The following AKAP6 variants were observed in gnomAD, a reference collection of about 807,000 sequenced individuals.
AKAP6 encodes the protein A-kinase anchor protein 6.
A neutral mutation model predicts 188.5 loss-of-function variants in AKAP6; 58 were observed. That is an observed-to-expected ratio of 0.31 (90% CI 0.25 to 0.38). AKAP6 has a LOEUF of 0.38. Ranked by LOEUF, AKAP6 falls within the 10% of genes least tolerant of loss-of-function variation. The pLI, the probability that AKAP6 is intolerant of heterozygous loss-of-function variation, is 1.00. For synonymous variants in AKAP6, 989 were observed against 998.6 expected, an observed-to-expected ratio of 0.99 and a Z score of 0.18; for missense variants, 2,710 against 2,740.0, an observed-to-expected ratio of 0.99 and a Z score of 0.24.
chr14:32,469,483 A>C (rs1442485430), intron 2 of AKAP6, among the ~76,000 whole-genome samples: 2 of 152,228 alleles, frequency 1.3e-5, no homozygotes, highest in East Asian at 3.8e-4. Context: ...TCTGTATAAT[A>C]AAGTCAAGAC....
At chr14:32,547,142 C>A in intron 4 of AKAP6, 143 bp downstream of exon 4, 1 of 862,146 alleles carries the variant, frequency 1.2e-6, no homozygotes, top group Non-Finnish European at 1.7e-6. Flanking sequence ...AAAGAAAAAG[C>A]ACAATGATCA....
intron 4 of AKAP6, among the ~76,000 whole-genome samples, chr14:32,574,205 T>C (rs1431433166): frequency 6.6e-6 from 1 of 152,172 alleles, no homozygotes; most frequent in Non-Finnish European, 1.5e-5. Flanking sequence ...GTGATGAAAC[T>C]TTTTAGTATT....
intron 9 of AKAP6, among the ~76,000 whole-genome samples, chr14:32,696,535 G>T (rs1221024232): frequency 6.6e-6 from 1 of 152,174 alleles, no homozygotes; most frequent in Non-Finnish European, 1.5e-5. Context: ...GGTTTGGCTT[G>T]CTGCTGCCAA....
At chr14:32,434,084 C>A in intron 2 of AKAP6, 1 of 392,444 alleles carries the variant, frequency 2.5e-6, no homozygotes. Flanking sequence ...GCAGTGTTAT[C>A]AAAATAAGTT....
At chr14:32,757,800 T>C (rs1299893742) in intron 11 of AKAP6, among the ~76,000 whole-genome samples, 2 of 152,144 alleles carry the variant, frequency 1.3e-5, no homozygotes, top group African/African-American at 2.4e-5. Context: ...TAGTGTGCTA[T>C]GGAAGTGCAC....
chr14:32,413,650 C>T (rs775534435), intron 1 of AKAP6, among the ~76,000 whole-genome samples: 2 of 152,114 alleles, frequency 1.3e-5, no homozygotes, highest in Non-Finnish European at 2.9e-5. Flanking sequence ...TAGCTCTTAG[C>T]ATAATGTCTT....
At chr14:32,558,821 G>A (rs1883803742) in intron 4 of AKAP6, among the ~76,000 whole-genome samples, 1 of 152,064 alleles carries the variant, frequency 6.6e-6, no homozygotes, top group Non-Finnish European at 1.5e-5. Context: ...GAAAATGGAG[G>A]GCAGCCACCT....
chr14:32,370,749 A>G (rs1887978972), intron 1 of AKAP6, among the ~76,000 whole-genome samples: 1 of 152,344 alleles, frequency 6.6e-6, no homozygotes, highest in East Asian at 1.9e-4. Flanking sequence ...ATGGAAAAAA[A>G]TGAGAAAATG....
chr14:32,691,203 A>G (rs1890164439), intron 8 of AKAP6, among the ~76,000 whole-genome samples: 1 of 152,230 alleles, frequency 6.6e-6, no homozygotes, highest in South Asian at 2.1e-4. Flanking sequence ...AAAGAGAGAG[A>G]TGAGAGCAGT....
intron 4 of AKAP6, among the ~76,000 whole-genome samples, chr14:32,565,436 A>G (rs538340016): frequency 1.5e-4 from 23 of 152,156 alleles, no homozygotes; most frequent in Non-Finnish European, 2.8e-4. Flanking sequence ...ATCAAATCCA[A>G]TTAGTCCTGT....
intron 9 of AKAP6, 91 bp from the exon 10 acceptor site, chr14:32,732,363 A>T: frequency 7.0e-7 from 1 of 1,433,590 alleles, no homozygotes; most frequent in Non-Finnish European, 9.4e-7. Context: ...AAAAACTTTT[A>T]ATGCTCGTAA....
chr14:32,432,038 T>C (rs1890242947), intron 1 of AKAP6, among the ~76,000 whole-genome samples: 1 of 152,202 alleles, frequency 6.6e-6, no homozygotes, highest in Non-Finnish European at 1.5e-5. Flanking sequence ...CCCTCTATTT[T>C]GGTATGTAAA....
chr14:32,716,312 CCCTT>C (rs976694316), intron 9 of AKAP6, among the ~76,000 whole-genome samples: 3 of 151,710 alleles, frequency 2.0e-5, no homozygotes, highest in Non-Finnish European at 4.4e-5. Flanking sequence ...GCTCCCTCCT[CCCTT>C]CATTAAGAGT....
intron 2 of AKAP6, among the ~76,000 whole-genome samples, chr14:32,473,105 T>C (rs1878870979): frequency 6.6e-6 from 1 of 152,218 alleles, no homozygotes; most frequent in Admixed American, 6.5e-5. Flanking sequence ...AAACAGTTTC[T>C]GTGTTTTTGT....
chr14:32,631,180 T>A (rs1378286112), intron 7 of AKAP6, among the ~76,000 whole-genome samples: 1 of 152,062 alleles, frequency 6.6e-6, no homozygotes, highest in East Asian at 1.9e-4. Flanking sequence ...ATATGGCATA[T>A]GAAATACCTC....
intron 3 of AKAP6, among the ~76,000 whole-genome samples, chr14:32,544,354 A>G (rs1883092324): frequency 6.6e-6 from 1 of 152,204 alleles, no homozygotes; most frequent in Non-Finnish European, 1.5e-5. Context: ...AAATCTTCCC[A>G]TTTGTTGTAT....
rs1884660968 is a variant in AKAP6 at position 32,575,136 on chromosome 14, A to G, written c.2347-1984A>G. 2.6e-5 allele frequency among the ~76,000 whole-genome samples: 4 copies of G among 152,182 alleles called. No individual in the cohort carries two copies. In the South Asian group the frequency reaches 8.3e-4, roughly 31 times the overall value. On this transcript the variant is annotated intron_variant, in intron 4 of 13. Coordinates refer to ENST00000280979, the MANE Select transcript of AKAP6 (RefSeq NM_004274.5). Reference sequence around the variant, plus strand: ...GAGCTTGAGTAAGTGTAACTTCGATATTAAAAGAGTCAAGTATTTGGGAGG... The same window carrying G: ...GAGCTTGAGTAAGTGTAACTTCGATGTTAAAAGAGTCAAGTATTTGGGAGG...
chr14:32,715,452 G>GA (rs998903215), intron 9 of AKAP6, among the ~76,000 whole-genome samples: 3 of 150,914 alleles, frequency 2.0e-5, no homozygotes, highest in African/African-American at 4.9e-5. Flanking sequence ...AAAGCAAAAC[G>GA]AAAAAACATG....
rs559829216 is a variant in AKAP6, at chr14:32,364,888, G to C, written c.-35+35480G>C. ...GGTTGCCAGAGATGCTTTGATTCTG[G>C]AATCAGGCATGTAATTTATAAGAAA... On this transcript the variant is annotated intron_variant, in intron 1 of 13. Coordinates refer to ENST00000280979, the MANE Select transcript of AKAP6 (RefSeq NM_004274.5). 2.8e-4 allele frequency among the ~76,000 whole-genome samples: 42 copies of C among 152,178 alleles called. 1 individual carries two copies. The highest frequency in any genetic ancestry group is 9.9e-4 in the African/African-American group (41 of 41,508).
Sources: allele counts gnomAD v4.1 joint callset (sites outside exome capture counted in the v4.1 genomes callset), GRCh38; gene constraint gnomAD v4.1.1; transcripts MANE v1.5; gene names NCBI Gene and HGNC (gene_info 2026-07-23, HGNC 2026-07-21).